The following STEAP4 variants were observed in gnomAD, a reference collection of about 807,000 sequenced individuals.
The protein encoded by STEAP4 is metalloreductase STEAP4.
A neutral mutation model predicts 43.6 loss-of-function variants in STEAP4; 36 were observed. That is an observed-to-expected ratio of 0.83 (90% confidence interval 0.63 to 1.09). The LOEUF is 1.09. Ranked by LOEUF, STEAP4 falls within the 50% of genes least tolerant of loss-of-function variation. The pLI is 0.00. For missense variants in STEAP4, 495 were observed against 546.5 expected (o/e 0.91, Z 0.94); for synonymous variants, 191 against 196.7 (o/e 0.97, Z 0.24).
intron 1 of STEAP4, chr7:88,292,633 CAT>C (rs1459099516): frequency 1.3e-5 from 2 of 152,128 alleles, no homozygotes; most frequent in Non-Finnish European, 2.9e-5. Flanking sequence ...CATTTTATCT[CAT>C]GTGTATGCTC....
At position 88,279,227 on chromosome 7, in the gene STEAP4, G is replaced by A; in HGVS notation, c.*171C>T. 1 of 621,926 alleles carries A rather than the reference G, an allele frequency of 1.6e-6. No individual in the cohort carries two copies. The highest frequency in any genetic ancestry group is 2.8e-6 in the Non-Finnish European group (1 of 357,140). The allele number at this position is 621,926 out of a possible 1,614,324, so 38.5% of individuals were successfully genotyped here. A position where few individuals can be genotyped will look rare whatever the true frequency, so the allele number is the denominator to read the frequency against. On this transcript the variant is annotated 3_prime_UTR_variant, in exon 5 of 5. Coordinates refer to ENST00000380079, the MANE Select transcript of STEAP4 (RefSeq NM_024636.4). Reference sequence around the variant, plus strand: ...TGAGATAAAATGGTGTTCTCTTCCAGTATGTCAGTCAATTTCTCAAAGACA... The same window carrying A: ...TGAGATAAAATGGTGTTCTCTTCCAATATGTCAGTCAATTTCTCAAAGACA...
At chr7:88,303,495 CAAA>C (rs5885618) in intron 1 of STEAP4, among the ~76,000 whole-genome samples, 10 of 114,348 alleles carry the variant, frequency 8.7e-5, no homozygotes, top group Non-Finnish European at 1.5e-4. Context: ...GACTCAGTCT[CAAA>C]AAAAAAAAAA....
chr7:88,304,623 C>T (rs906713811), intron 1 of STEAP4, among the ~76,000 whole-genome samples: 2 of 151,566 alleles, frequency 1.3e-5, no homozygotes, highest in Admixed American at 6.6e-5. Context: ...TTTTGAAGGA[C>T]TACTGTGTTG....
intron 3 of STEAP4, chr7:88,282,437 G>T (rs371544961): frequency 5.1e-6 from 3 of 593,312 alleles, no homozygotes; most frequent in Non-Finnish European, 8.5e-6. Context: ...GTGAGCCACC[G>T]CCCCCGGCAA....
At chr7:88,304,816 G>C (rs774446872) in intron 1 of STEAP4, among the ~76,000 whole-genome samples, 2 of 152,120 alleles carry the variant, frequency 1.3e-5, no homozygotes, top group East Asian at 3.9e-4. Flanking sequence ...AGTGACAACA[G>C]AATCAGCTAC....
Position 88,271,073 on chromosome 7 carries a change from C to T in STEAP4, c.*8325G>A, listed in dbSNP as rs1370052154. The stretch of plus-strand genomic sequence containing the variant: ...TCTGTTGAGAACATTCAATATCCTC[C>T]TTCTAGCTATTTAGAATATATATTA... On this transcript the variant is annotated 3_prime_UTR_variant, in exon 5 of 5. Transcript: ENST00000380079. The T allele has an allele frequency of 6.6e-6, 1 of 152,044 alleles. No homozygotes were observed. The allele number at this position is 152,044 out of a possible 1,614,324, so 9.4% of individuals were successfully genotyped here. A position where few individuals can be genotyped will look rare whatever the true frequency, so the allele number is the denominator to read the frequency against.
In STEAP4 at chr7:88,274,189, T is replaced by G. The variant is rs1852478304; in HGVS notation, c.*5209A>C. 6.6e-6 allele frequency: 1 copy of G among 152,234 alleles called. No individual in the cohort carries two copies. Among genetic ancestry groups the G allele is most frequent in the Non-Finnish European group, 1.5e-5 (1 of 68,054 alleles). The allele number at this position is 152,234 out of a possible 1,614,324, so 9.4% of individuals were successfully genotyped here. On this transcript the variant is annotated 3_prime_UTR_variant, in exon 5 of 5. Transcript: ENST00000380079. ...GATTTCAAAGCTCAGTTTCCTCTTC[T>G]GATAAATAAGGATAAGAAGAGAACC...
intron 1 of STEAP4, among the ~76,000 whole-genome samples, chr7:88,288,878 G>T (rs1174610786): frequency 1.3e-5 from 2 of 152,106 alleles, no homozygotes; most frequent in African/African-American, 4.8e-5. Flanking sequence ...GAACCATGTG[G>T]CTGTAGAATT....
chr7:88,284,093 G>A lies in STEAP4; in HGVS notation c.177C>T (p.Pro59=). 1 of 1,614,038 alleles carries A rather than the reference G, an allele frequency of 6.2e-7. No homozygotes were observed. The highest frequency in any genetic ancestry group is 1.1e-5 in the South Asian group (1 of 91,078). The change falls in exon 2 of 5, where the codon CCC becomes CCT. Residue 59 remains proline (P), a synonymous_variant. Transcript: ENST00000380079. Reference sequence around the variant, plus strand: ...AATAGCTCAAGACTTCTGCACCACTGGGCAGTAGGGTGGTCTTCTGGGGGT... The same window carrying A: ...AATAGCTCAAGACTTCTGCACCACTAGGCAGTAGGGTGGTCTTCTGGGGGT... ...SRNPQKTTLL[P]SGAEVLSYSE... is the part of the protein sequence containing the mutation.
At chr7:88,291,820 CTCCT>C (rs1361528778) in intron 1 of STEAP4, among the ~76,000 whole-genome samples, 2 of 152,304 alleles carry the variant, frequency 1.3e-5, no homozygotes, top group East Asian at 3.9e-4. Flanking sequence ...GGGGTTTCCT[CTCCT>C]TCCTTCAGTC....
chr7:88,293,057 A>G (rs921035236), intron 1 of STEAP4: 4 of 152,162 alleles, frequency 2.6e-5, no homozygotes, highest in African/African-American at 9.7e-5. Flanking sequence ...TCTGGGTCAT[A>G]TGGTGTTTGT....
intron 1 of STEAP4, among the ~76,000 whole-genome samples, chr7:88,304,816 G>T (rs774446872): frequency 4.6e-5 from 7 of 152,120 alleles, no homozygotes; most frequent in Non-Finnish European, 8.8e-5. Flanking sequence ...AGTGACAACA[G>T]AATCAGCTAC....
intron 4 of STEAP4, among the ~76,000 whole-genome samples, 193 bp from the exon 5 acceptor site, chr7:88,279,821 T>G (rs1284088469): frequency 6.6e-6 from 1 of 152,204 alleles, no homozygotes; most frequent in Non-Finnish European, 1.5e-5. Flanking sequence ...AAAACAAGAT[T>G]ATTTCTTACA....
chr7:88,303,804 T>G (rs1853080998), intron 1 of STEAP4, among the ~76,000 whole-genome samples: 1 of 152,258 alleles, frequency 6.6e-6, no homozygotes, highest in South Asian at 2.1e-4. Context: ...AGGCCAAGAA[T>G]GTTTTCTTAG....
rs1259109395 is a variant in STEAP4 at position 88,278,619 on chromosome 7, T to C, written c.*779A>G. ...TTTGAACTTTTTGATCAAGAACTTT[T>C]ATCAACCCTTCTTTGCTTATTGCAC... is the stretch of plus-strand genomic sequence containing the variant. On this transcript the variant is annotated 3_prime_UTR_variant, in exon 5 of 5. Transcript: ENST00000380079. 3 of 152,220 alleles carry C rather than the reference T, an allele frequency of 2.0e-5. No homozygotes were observed. The highest frequency in any genetic ancestry group is 2.0e-4 in the Admixed American group (3 of 15,280). 9.4% of individuals were successfully genotyped at this position (152,220 alleles called of 1,614,324 possible).
Position 88,283,158 on chromosome 7 carries a change from C to T in STEAP4, c.467G>A (p.Cys156Tyr). The T allele has an allele frequency of 6.5e-7, 1 of 1,543,010 alleles. No individual in the cohort carries two copies. The highest frequency in any genetic ancestry group is 2.3e-5 in the East Asian group (1 of 44,320). ...TTGCTTGGCTTTGCTGTCATTTCCA[C>T]ACACAAACACCTAGTTTAAAAACAG... ...ALDASRQVFV[C>Y]GNDSKAKQRV... The change falls in exon 3 of 5, where the codon TGT (cysteine) becomes TAT (tyrosine). Residue 156 changes from cysteine to tyrosine, a missense_variant. Transcript: ENST00000380079.
At chr7:88,294,178 G>T (rs1290538963) in intron 1 of STEAP4, among the ~76,000 whole-genome samples, 11 of 152,038 alleles carry the variant, frequency 7.2e-5, no homozygotes, top group Non-Finnish European at 1.0e-4. Flanking sequence ...AAAACTTTCA[G>T]ACATGATACC....
In STEAP4 at chr7:88,283,186, A is replaced by G; in HGVS notation, c.457-18T>C. ...ACAAACACCTAGTTTAAAAACAGTT[A>G]ATTAATTCTGTATTTACTCCTTTTC... is the stretch of plus-strand genomic sequence containing the variant. On this transcript the variant is annotated intron_variant, in intron 2 of 4. Coordinates refer to ENST00000380079, the MANE Select transcript of STEAP4 (RefSeq NM_024636.4). 1 of 1,517,516 alleles carries G rather than the reference A, an allele frequency of 6.6e-7. No homozygotes were observed. The highest frequency in any genetic ancestry group is 8.8e-7 in the Non-Finnish European group (1 of 1,136,178). 94.0% of individuals were successfully genotyped at this position (1,517,516 alleles called of 1,614,324 possible).
At chr7:88,291,820 C>T (rs1421927685) in intron 1 of STEAP4, among the ~76,000 whole-genome samples, 1 of 152,186 alleles carries the variant, frequency 6.6e-6, no homozygotes, top group African/African-American at 2.4e-5. Flanking sequence ...GGGGTTTCCT[C>T]TCCTTCCTTC....
Sources: allele counts gnomAD v4.1 joint callset (sites outside exome capture counted in the v4.1 genomes callset), GRCh38; gene constraint gnomAD v4.1.1; transcripts MANE v1.5; gene names NCBI Gene and HGNC (gene_info 2026-07-23, HGNC 2026-07-21).